Variants in EFCAB6 observed in about 807,000 individuals in gnomAD.
The protein encoded by EFCAB6 is EF-hand calcium-binding domain-containing protein 6.
In EFCAB6, 156 loss-of-function variants were observed where a neutral mutation model predicts 169.8. The ratio of observed to expected loss-of-function variants is 0.92; its 90% CI spans 0.81 to 1.05. EFCAB6 has a LOEUF of 1.05. EFCAB6 is among the 50% of genes least tolerant of loss of function. EFCAB6 has a pLI of 0.00. For synonymous variants in EFCAB6, 698 were observed against 676.4 expected (o/e 1.03, Z -0.50); for missense variants, 1,800 against 1,829.1 (o/e 0.98, Z 0.29).
intron 23 of EFCAB6, among the ~76,000 whole-genome samples, chr22:43,595,100 C>CA (rs1442087566): frequency 6.6e-6 from 1 of 150,440 alleles, no homozygotes; most frequent in Non-Finnish European, 1.5e-5. Flanking sequence ...TACAACATAC[C>CA]AAAAATCTAT....
chr22:43,550,211 C>G (rs563076690), intron 27 of EFCAB6, among the ~76,000 whole-genome samples: 2 of 151,984 alleles, frequency 1.3e-5, no homozygotes, highest in African/African-American at 4.8e-5. Flanking sequence ...CCCACTTCAC[C>G]GAGGGAGACA....
intron 20 of EFCAB6, among the ~76,000 whole-genome samples, chr22:43,623,628 G>T (rs1169050721): frequency 6.6e-6 from 1 of 151,692 alleles, no homozygotes; most frequent in Non-Finnish European, 1.5e-5. Flanking sequence ...AGGCGCGGTG[G>T]CTCACGCCTG....
chr22:43,760,215 AAAAAGAAAAAAG>A (rs1259951493), intron 5 of EFCAB6, among the ~76,000 whole-genome samples: 2 of 93,554 alleles, frequency 2.1e-5, no homozygotes, highest in African/African-American at 2.8e-5. Flanking sequence ...AAAAAAAAAA[AAAAAGAAAAAAG>A]AAAAAAAAAG....
At chr22:43,670,863 C>T (rs2057458881) in intron 15 of EFCAB6, among the ~76,000 whole-genome samples, 1 of 151,808 alleles carries the variant, frequency 6.6e-6, no homozygotes, top group East Asian at 1.9e-4. Context: ...GGAGCTGAGA[C>T]CAGCAGCAGC....
chr22:43,716,746 G>C (rs548823959), intron 9 of EFCAB6, 102 bp downstream of exon 9: 11 of 1,421,392 alleles, frequency 7.7e-6, no homozygotes, highest in Non-Finnish European at 1.0e-5. Context: ...AGGTAGGATC[G>C]AAACAAATTT....
At chr22:43,613,538 C>A (rs2053471981) in intron 21 of EFCAB6, among the ~76,000 whole-genome samples, 1 of 151,974 alleles carries the variant, frequency 6.6e-6, no homozygotes, top group Non-Finnish European at 1.5e-5. Context: ...CATGTTCTCA[C>A]TTACAAGTGG....
chr22:43,756,533 G>A (rs2060964047), intron 5 of EFCAB6, among the ~76,000 whole-genome samples: 1 of 152,166 alleles, frequency 6.6e-6, no homozygotes, highest in Admixed American at 6.5e-5. Flanking sequence ...GTGAGGGTGG[G>A]AGGAGAACAC....
intron 12 of EFCAB6, among the ~76,000 whole-genome samples, chr22:43,681,072 A>C (rs745794704): frequency 3.3e-5 from 5 of 152,188 alleles, no homozygotes; most frequent in African/African-American, 1.2e-4. Flanking sequence ...GTCTTTTACC[A>C]TTAACTGTGC....
chr22:43,687,451 T>G lies in EFCAB6; in HGVS notation c.1142+20A>C, dbSNP rs768418512. 5.9e-5 allele frequency: 80 copies of G among 1,348,500 alleles called. No homozygotes were observed. Among genetic ancestry groups the G allele is most frequent in the Middle Eastern group, 2.3e-4 (1 of 4,390 alleles). The allele number at this position is 1,348,500 out of a possible 1,614,324, so 83.5% of individuals were successfully genotyped here. On this transcript the variant is annotated intron_variant, in intron 11 of 31. Coordinates refer to ENST00000262726, the MANE Select transcript of EFCAB6 (RefSeq NM_022785.4). The stretch of plus-strand genomic sequence containing the variant: ...TGATATGTGTAACTAAAATTTGTTT[T>G]TTTTTTTTTTTTTACATACCTATTT...
intron 25 of EFCAB6, among the ~76,000 whole-genome samples, chr22:43,580,186 T>G (rs1271184365): frequency 6.6e-6 from 1 of 152,134 alleles, no homozygotes; most frequent in African/African-American, 2.4e-5. Context: ...CTGAGCCCAC[T>G]CTTGCCCAAG....
chr22:43,647,112 T>C (rs59153325), intron 17 of EFCAB6, among the ~76,000 whole-genome samples: 2,055 of 135,024 alleles, frequency 0.015, 42 homozygotes, highest in African/African-American at 0.055. Context: ...AATCTTGCTA[T>C]AAACCTAAAG....
chr22:43,620,032 G>A (rs2054009795), intron 20 of EFCAB6, among the ~76,000 whole-genome samples: 2 of 152,180 alleles, frequency 1.3e-5, no homozygotes, highest in South Asian at 2.1e-4. Context: ...AAAGTAGCCT[G>A]AATGGTCTGG....
intron 2 of EFCAB6, among the ~76,000 whole-genome samples, chr22:43,784,665 A>ACATATATGTATATATG (rs1222270497): frequency 1.3e-5 from 1 of 74,212 alleles, no homozygotes; most frequent in Admixed American, 2.1e-4. Flanking sequence ...GTATATATAC[A>ACATATATGTATATATG]TATACATATA....
chr22:43,628,445 CGGCTCCGT>C lies in EFCAB6; in HGVS notation c.2233-1774_2233-1767del, dbSNP rs1409107253. ...CGTGATGGCTCCCAGCTGCCATCGT[CGGCTCCGT>C]GGCCTCTGCTCTGTGCAATCGCTCC... On this transcript the variant is annotated intron_variant, in intron 19 of 31. Coordinates refer to ENST00000262726, the MANE Select transcript of EFCAB6 (RefSeq NM_022785.4). This position sits in a 1 kb window ranked among gnomAD's most constrained non-coding sequence, Gnocchi z 4.8. Among the ~76,000 whole-genome samples the C allele has an allele frequency of 6.6e-6, 1 of 152,162 alleles. No homozygotes were observed. Among genetic ancestry groups the C allele is most frequent in the Non-Finnish European group, 1.5e-5 (1 of 68,040 alleles).
chr22:43,611,492 A>G (rs2053296942), intron 21 of EFCAB6, among the ~76,000 whole-genome samples: 1 of 152,188 alleles, frequency 6.6e-6, no homozygotes, highest in Non-Finnish European at 1.5e-5. Flanking sequence ...GAGCTAGAAA[A>G]AGCTGTTTTT....
intron 10 of EFCAB6, among the ~76,000 whole-genome samples, chr22:43,711,234 T>C (rs1223543891): frequency 6.6e-6 from 1 of 152,162 alleles, no homozygotes; most frequent in Non-Finnish European, 1.5e-5. Flanking sequence ...CAGAAATATC[T>C]GGGGTTGAAG....
intron 17 of EFCAB6, among the ~76,000 whole-genome samples, chr22:43,658,835 C>T (rs1272936925): frequency 6.6e-6 from 1 of 152,158 alleles, no homozygotes; most frequent in Admixed American, 6.5e-5. Flanking sequence ...TTAAAATATC[C>T]ACAGAATTAG....
chr22:43,556,850 C>T (rs112610562), intron 26 of EFCAB6, among the ~76,000 whole-genome samples: 1 of 152,172 alleles, frequency 6.6e-6, no homozygotes, highest in Non-Finnish European at 1.5e-5. Flanking sequence ...AAATGAATGT[C>T]TTTTTTATTT....
chr22:43,623,041 A>G (rs2054213917), intron 20 of EFCAB6, among the ~76,000 whole-genome samples: 2 of 152,256 alleles, frequency 1.3e-5, no homozygotes, highest in South Asian at 4.1e-4. Context: ...GAGATGATTC[A>G]GAAGAGGAAG....
Sources: gnomAD v4.1 joint callset for allele counts (sites outside exome capture counted in the v4.1 genomes callset) on GRCh38, gnomAD v4.1.1 for gene constraint, Gnocchi (gnomAD v3.1) non-coding constraint, MANE v1.5 for transcripts, NCBI Gene and HGNC (gene_info 2026-07-23, HGNC 2026-07-21) for gene names.